The following GRID1 variants were observed in gnomAD, a reference collection of about 807,000 sequenced individuals.
The protein encoded by GRID1 is glutamate ionotropic receptor delta type subunit 1.
In GRID1, 28 loss-of-function variants were observed where a neutral mutation model predicts 98.0. The ratio of observed to expected loss-of-function variants is 0.29; its 90% CI spans 0.21 to 0.39. The LOEUF (loss-of-function observed/expected upper bound fraction) is 0.39, where lower values mean the gene tolerates loss of function less well. Ranked by LOEUF, GRID1 falls within the 10% of genes least tolerant of loss-of-function variation. The probability of loss-of-function intolerance (pLI) is 1.00; values close to 1 mark genes in which losing one functional copy is unlikely to be tolerated. For missense variants in GRID1, 1,111 were observed against 1,340.5 expected (o/e 0.83, Z 2.67); for synonymous variants, 553 against 538.5 (o/e 1.03, Z -0.37).
intron 3 of GRID1, among the ~76,000 whole-genome samples, chr10:86,169,857 G>A (rs1845457005): frequency 6.6e-6 from 1 of 152,200 alleles, no homozygotes; most frequent in Non-Finnish European, 1.5e-5. Context: ...GGCAGCCCAT[G>A]TGGCTCCACT....
intron 4 of GRID1, among the ~76,000 whole-genome samples, chr10:86,136,690 C>T (rs927701522): frequency 6.6e-6 from 1 of 152,184 alleles, no homozygotes. Flanking sequence ...TTATCATCGG[C>T]GGAGACTGAA....
At chr10:85,997,305 C>T (rs1842750383) in intron 4 of GRID1, among the ~76,000 whole-genome samples, 1 of 151,526 alleles carries the variant, frequency 6.6e-6, no homozygotes, top group South Asian at 2.1e-4. Context: ...GAGGCTGAGG[C>T]AGAGAACTGC....
At chr10:85,708,320 C>T (rs1229823255) in intron 12 of GRID1, among the ~76,000 whole-genome samples, 1 of 151,620 alleles carries the variant, frequency 6.6e-6, no homozygotes, top group East Asian at 2.0e-4. Context: ...AGGAGAATGG[C>T]GTGAGCCCAG....
At chr10:86,207,226 T>C (rs1404081136) in intron 2 of GRID1, among the ~76,000 whole-genome samples, 2 of 152,162 alleles carry the variant, frequency 1.3e-5, no homozygotes, top group Non-Finnish European at 2.9e-5. Flanking sequence ...AAAGAAACCC[T>C]AGGTCTTCTG....
chr10:86,284,015 T>C (rs1381906971), intron 2 of GRID1, among the ~76,000 whole-genome samples: 9 of 113,164 alleles, frequency 8.0e-5, no homozygotes, highest in East Asian at 2.9e-4. Flanking sequence ...TGCCCTCACA[T>C]ACACCTGCAT....
chr10:86,137,369 T>A (rs1002953527), intron 4 of GRID1, among the ~76,000 whole-genome samples: 2 of 152,184 alleles, frequency 1.3e-5, no homozygotes, highest in Admixed American at 1.3e-4. Context: ...GAGCTGGGAC[T>A]TGCCCCCACA....
chr10:85,983,637 T>C (rs1480014607), intron 4 of GRID1, among the ~76,000 whole-genome samples: 1 of 152,156 alleles, frequency 6.6e-6, no homozygotes, highest in Admixed American at 6.5e-5. Flanking sequence ...GCCCATCCTC[T>C]CCTGGGCCAG....
chr10:85,963,653 C>T (rs1842300162), intron 4 of GRID1, among the ~76,000 whole-genome samples: 1 of 152,204 alleles, frequency 6.6e-6, no homozygotes, highest in Non-Finnish European at 1.5e-5. Flanking sequence ...AAGACTACTC[C>T]TTCACCATGA....
At chr10:85,899,498 C>A (rs543101672) in intron 5 of GRID1, among the ~76,000 whole-genome samples, 5 of 152,286 alleles carry the variant, frequency 3.3e-5, no homozygotes, top group South Asian at 2.1e-4. Context: ...ATCCAGGAAC[C>A]TTTGCATATC....
intron 4 of GRID1, among the ~76,000 whole-genome samples, chr10:85,932,308 C>T (rs1841866440): frequency 6.6e-6 from 1 of 152,202 alleles, no homozygotes; most frequent in Non-Finnish European, 1.5e-5. Flanking sequence ...ACATCCTGGG[C>T]TCAAGTGATC....
At chr10:85,765,154 G>T (rs1456027665) in intron 8 of GRID1, among the ~76,000 whole-genome samples, 3 of 152,106 alleles carry the variant, frequency 2.0e-5, no homozygotes, top group South Asian at 2.1e-4. Context: ...TGAAACTGAG[G>T]CTCATAGAAG....
chr10:85,658,121 C>T (rs116448001), intron 12 of GRID1, among the ~76,000 whole-genome samples: 5,616 of 152,240 alleles, frequency 0.037, 133 homozygotes, highest in Non-Finnish European at 0.046. Context: ...TGTGAAGGTG[C>T]CTTCTTCCCC....
chr10:85,850,120 C>T (rs1297504982), intron 8 of GRID1, among the ~76,000 whole-genome samples: 1 of 152,110 alleles, frequency 6.6e-6, no homozygotes, highest in African/African-American at 2.4e-5. Flanking sequence ...ATGCCACCCA[C>T]GGAAAATGAG....
intron 8 of GRID1, among the ~76,000 whole-genome samples, chr10:85,782,029 C>T (rs72841484): frequency 0.033 from 4,963 of 152,150 alleles, 103 homozygotes; most frequent in Admixed American, 0.048. Context: ...ATTAATCTTC[C>T]TAAAGGCAAA....
rs1342439093 is a variant in GRID1 at position 85,723,007 on chromosome 10, T to C, written c.1993A>G (p.Ile665Val). The C allele has an allele frequency of 1.9e-6, 3 of 1,609,024 alleles. No homozygotes were observed. The highest frequency in any genetic ancestry group is 1.7e-6 in the Non-Finnish European group (2 of 1,177,644). ...FLTVSRMDNP[I>V]RTFQDLSKQV... ...ATCAAGGAGGAATAGGCTTACCTTA[T>C]GGGGTTGTCCATCCTGGACACTGTG... Residue 665 changes from isoleucine to valine, a missense_variant, in exon 12 of 16, where the codon ATA becomes GTA. Ile to Val is a conservative substitution (Grantham distance 29, BLOSUM62 3). Transcript: ENST00000327946.
intron 4 of GRID1, among the ~76,000 whole-genome samples, chr10:86,041,123 G>T (rs72846409): frequency 0.051 from 7,757 of 152,222 alleles, 246 homozygotes; most frequent in South Asian, 0.16. Flanking sequence ...CATTTGTGTT[G>T]GTGCTAACCA....
intron 8 of GRID1, among the ~76,000 whole-genome samples, chr10:85,797,443 T>C (rs552972484): frequency 6.6e-6 from 1 of 152,136 alleles, no homozygotes; most frequent in Non-Finnish European, 1.5e-5. Flanking sequence ...TTATTTACTT[T>C]TTTGAGACCA....
intron 2 of GRID1, among the ~76,000 whole-genome samples, chr10:86,293,921 A>G (rs922003926): frequency 4.6e-5 from 7 of 152,264 alleles, no homozygotes; most frequent in African/African-American, 1.7e-4. Context: ...TGATGGATAA[A>G]AAATAACAAT....
Position 85,727,847 on chromosome 10 carries a change from G to A in GRID1, c.1533+8C>T, listed in dbSNP as rs768026665. On this transcript the variant is annotated splice_region_variant and intron_variant, in intron 10 of 15. Coordinates refer to ENST00000327946, the MANE Select transcript of GRID1 (RefSeq NM_017551.3). ...GCCCCTCCCCCTGGATCTGCTATGG[G>A]GACCTACCTTGCTGATGAGCTCCCC... is the stretch of plus-strand genomic sequence containing the variant. 6.2e-7 allele frequency: 1 copy of A among 1,609,436 alleles called. No individual in the cohort carries two copies.
Sources: allele counts gnomAD v4.1 joint callset (sites outside exome capture counted in the v4.1 genomes callset), GRCh38; gene constraint gnomAD v4.1.1; transcripts MANE v1.5; gene names NCBI Gene and HGNC (gene_info 2026-07-23, HGNC 2026-07-21).